Variants in NECAB1 observed in about 807,000 individuals in gnomAD.
The protein encoded by NECAB1 is N-terminal EF-hand calcium-binding protein 1.
A neutral mutation model predicts 57.5 loss-of-function variants in NECAB1; 29 were observed. The observed-to-expected ratio is 0.50, with a 90% CI of 0.38 to 0.69. The LOEUF is 0.69. NECAB1 is among the 30% of genes least tolerant of loss of function. The probability of loss-of-function intolerance (pLI) is 0.00; values close to 1 mark genes in which losing one functional copy is unlikely to be tolerated. For synonymous variants in NECAB1, 142 were observed against 147.7 expected (o/e 0.96, Z 0.28); for missense variants, 372 against 413.8 (o/e 0.90, Z 0.88).
intron 1 of NECAB1, among the ~76,000 whole-genome samples, chr8:90,793,803 T>C (rs572710381): frequency 6.6e-6 from 1 of 152,314 alleles, no homozygotes; most frequent in East Asian, 1.9e-4. Context: ...AGTGTGGAGA[T>C]GAATGGATTA....
At chr8:90,817,467 T>C (rs1329310032) in intron 2 of NECAB1, among the ~76,000 whole-genome samples, 1 of 38,196 alleles carries the variant, frequency 2.6e-5, no homozygotes, top group Non-Finnish European at 3.8e-5. Context: ...TTTTTTGTAG[T>C]TTTTTTTATC....
At position 90,925,584 on chromosome 8, in the gene NECAB1, C is replaced by T. The variant is rs748603965; in HGVS notation, c.544C>T (p.Arg182Ter). 1.9e-6 allele frequency: 3 copies of T among 1,613,310 alleles called. No homozygotes were observed. The Admixed American group carries it at 5.0e-5, about 27-fold the overall frequency. Residue 182 changes from arginine to a stop codon, truncating the protein, a stop_gained, in exon 7 of 13, where the codon CGA becomes TGA. Transcript: ENST00000417640. LOFTEE classifies it high-confidence loss of function. ...EVLSIQWPGK[R>*]SSRRVQRHNS... ...CCTGTCGATTCAATGGCCTGGAAAA[C>T]GATCAAGCCGCCGAGTCCAGAGACA...
intron 8 of NECAB1, among the ~76,000 whole-genome samples, chr8:90,930,557 A>G (rs972295969): frequency 6.6e-6 from 1 of 152,186 alleles, no homozygotes; most frequent in African/African-American, 2.4e-5. Context: ...ATGAACCCTC[A>G]TGTCGTGAGG....
intron 5 of NECAB1, among the ~76,000 whole-genome samples, chr8:90,916,590 G>A (rs939538577): frequency 2.0e-5 from 3 of 151,936 alleles, no homozygotes; most frequent in African/African-American, 7.3e-5. Context: ...GAACTTGAAT[G>A]TACCATTTCC....
At chr8:90,809,546 AGT>A (rs934902256) in intron 2 of NECAB1, among the ~76,000 whole-genome samples, 12 of 152,218 alleles carry the variant, frequency 7.9e-5, no homozygotes, top group African/African-American at 2.7e-4. Context: ...ATTAATTGGA[AGT>A]GTTAAGTAAG....
At chr8:90,833,891 G>C (rs1000470540) in intron 3 of NECAB1, among the ~76,000 whole-genome samples, 2 of 152,090 alleles carry the variant, frequency 1.3e-5, no homozygotes, top group Admixed American at 1.3e-4. Context: ...AGCCAGGCGT[G>C]GTGGCTCACG....
intron 5 of NECAB1, among the ~76,000 whole-genome samples, chr8:90,896,470 T>C (rs1809336647): frequency 6.6e-6 from 1 of 151,986 alleles, no homozygotes. Context: ...CCGGGCGTGG[T>C]GGCGGGTGCC....
chr8:90,806,146 C>G (rs530166425), intron 2 of NECAB1, among the ~76,000 whole-genome samples: 3 of 152,202 alleles, frequency 2.0e-5, no homozygotes, highest in Non-Finnish European at 2.9e-5. Context: ...TTGATTTGCA[C>G]TTGCTAAGGT....
chr8:90,946,357 G>A (rs1432624386), intron 10 of NECAB1, among the ~76,000 whole-genome samples: 2 of 152,178 alleles, frequency 1.3e-5, no homozygotes, highest in Non-Finnish European at 2.9e-5. Context: ...TCAAAGTCTG[G>A]TTTACTCACT....
At chr8:90,906,343 T>C (rs1314860013) in intron 5 of NECAB1, among the ~76,000 whole-genome samples, 3 of 152,138 alleles carry the variant, frequency 2.0e-5, no homozygotes, top group Non-Finnish European at 4.4e-5. Flanking sequence ...TGAGAAGACT[T>C]ATTTGTCATC....
intron 6 of NECAB1, among the ~76,000 whole-genome samples, chr8:90,924,169 G>C (rs759563415): frequency 3.3e-5 from 5 of 152,094 alleles, no homozygotes; most frequent in Non-Finnish European, 7.4e-5. Flanking sequence ...AGTGACTCTG[G>C]GATATAGAAC....
At chr8:90,917,881 T>TGTGTGC (rs33942093) in intron 6 of NECAB1, among the ~76,000 whole-genome samples, 1,230 of 117,796 alleles carry the variant, frequency 0.01, 95 homozygotes, top group East Asian at 0.074. Flanking sequence ...TGTGTGTGTG[T>TGTGTGC]GCGTGTATAT....
At chr8:90,860,853 A>G (rs1812889346) in intron 3 of NECAB1, among the ~76,000 whole-genome samples, 1 of 151,932 alleles carries the variant, frequency 6.6e-6, no homozygotes, top group Non-Finnish European at 1.5e-5. Context: ...GAACAAAGCT[A>G]TGAAGGCAAA....
At chr8:90,841,496 C>G (rs890224512) in intron 3 of NECAB1, among the ~76,000 whole-genome samples, 13 of 152,070 alleles carry the variant, frequency 8.5e-5, no homozygotes, top group Non-Finnish European at 1.6e-4. Flanking sequence ...AACATAGTAT[C>G]GAGATGCATG....
chr8:90,925,636 A>G lies in NECAB1; in HGVS notation c.596A>G (p.Gln199Arg). ...RHNSFSPNSP[Q>R]FNVSGPGLLE... ...AACAGCTTCTCCCCAAACAGCCCTC[A>G]GTTTAATGTCAGCGGTCCAGGTAAC... Residue 199 changes from glutamine to arginine, a missense_variant, in exon 7 of 13, where the codon CAG becomes CGG. Physicochemically the swap from Gln to Arg is conservative, Grantham distance 43. Coordinates refer to ENST00000417640, the MANE Select transcript of NECAB1 (RefSeq NM_022351.5). 6.2e-7 allele frequency: 1 copy of G among 1,613,882 alleles called. No individual in the cohort carries two copies. The highest frequency in any genetic ancestry group is 8.5e-7 in the Non-Finnish European group (1 of 1,179,830).
Position 90,791,823 on chromosome 8 carries a change from C to A in NECAB1, c.-64C>A. On this transcript the variant is annotated 5_prime_UTR_variant, in exon 1 of 13. Coordinates refer to ENST00000417640, the MANE Select transcript of NECAB1 (RefSeq NM_022351.5). ...CGGCGAAGCAGCAGCTGCGGCCGCG[C>A]CCTTGCCAGAGCCGGTGCGTCCGCC... 1.5e-6 allele frequency: 2 copies of A among 1,364,818 alleles called. No homozygotes were observed. The highest frequency in any genetic ancestry group is 1.3e-5 in the South Asian group (1 of 79,716). The allele number at this position is 1,364,818 out of a possible 1,614,324, so 84.5% of individuals were successfully genotyped here.
At chr8:90,912,264 A>T (rs1809848151) in intron 5 of NECAB1, among the ~76,000 whole-genome samples, 1 of 152,180 alleles carries the variant, frequency 6.6e-6, no homozygotes, top group African/African-American at 2.4e-5. Flanking sequence ...AAGTAGTCTT[A>T]TGTTCTTGTT....
intron 6 of NECAB1, 40 bp from the exon 7 acceptor site, chr8:90,925,495 G>A (rs1482178879): frequency 6.2e-7 from 1 of 1,601,028 alleles, no homozygotes. Context: ...AGAGACTGAA[G>A]CACTAACATT....
At chr8:90,792,564 C>G (rs117195466) in intron 1 of NECAB1, among the ~76,000 whole-genome samples, 2,580 of 152,162 alleles carry the variant, frequency 0.017, 31 homozygotes, top group Non-Finnish European at 0.027. Context: ...TTTTTCTTCC[C>G]TGATATTCTC....
Sources: allele counts gnomAD v4.1 joint callset (sites outside exome capture counted in the v4.1 genomes callset), GRCh38; gene constraint gnomAD v4.1.1; transcripts MANE v1.5; gene names NCBI Gene and HGNC (gene_info 2026-07-23, HGNC 2026-07-21).